SUMF1: variants seen among roughly 807,000 people sequenced by gnomAD.
The protein encoded by SUMF1 is formylglycine-generating enzyme.
SUMF1 carries 48 observed loss-of-function variants against 47.6 expected under a neutral mutation model. The observed-to-expected ratio is 1.01, with a 90% CI of 0.80 to 1.28. The LOEUF (loss-of-function observed/expected upper bound fraction) is 1.28, where lower values mean the gene tolerates loss of function less well. Ranked by LOEUF, SUMF1 falls within the 50% of genes most tolerant of loss-of-function variation. The pLI is 0.00. For missense variants in SUMF1, 571 were observed against 485.4 expected (o/e 1.18, Z -1.66); for synonymous variants, 230 against 192.1 (o/e 1.20, Z -1.63).
rs144622381 is a variant in SUMF1, at chr3:4,227,470, T to C, written c.1014+148860A>G. On this transcript the variant is annotated intron_variant and NMD_transcript_variant, in intron 8 of 12. Transcript: ENST00000448413. ...TGTAGTGGAGATCCATCGGCTTTCA[T>C]CTATCCAGTAGCCATTCTTCCCTGT... 7.1e-3 allele frequency among the ~76,000 whole-genome samples: 1,081 copies of C among 152,156 alleles called. 15 individuals carry two copies. The highest frequency in any genetic ancestry group is 0.025 in the African/African-American group (1,028 of 41,524).
intron 3 of SUMF1, among the ~76,000 whole-genome samples, chr3:4,443,453 G>A (rs1702673968): frequency 6.6e-6 from 1 of 151,616 alleles, no homozygotes; most frequent in Non-Finnish European, 1.5e-5. Context: ...GAAGACAAAA[G>A]AGAAGAAAAA....
chr3:4,418,079 G>C lies in SUMF1; in HGVS notation c.656C>G (p.Thr219Ser), dbSNP rs1701774230. ...CGTGGGCAGCCGCTTCCCTGCCCAA[G>C]TGCAGTAGGCAACCGCATCATTCCA... The part of the protein sequence containing the change: ...VSWNDAVAYC[T>S]WAGKRLPTEA... The change falls in exon 5 of 9, where the codon ACT becomes AGT. Residue 219 changes from threonine (T) to serine (S), a missense_variant. Coordinates refer to ENST00000272902, the MANE Select transcript of SUMF1 (RefSeq NM_182760.4). 1 of 1,613,974 alleles carries C rather than the reference G, an allele frequency of 6.2e-7. No homozygotes were observed. Among genetic ancestry groups the C allele is most frequent in the Admixed American group, 1.7e-5 (1 of 60,004 alleles).
chr3:4,170,751 A>G (rs1371925200), intron 8 of SUMF1, among the ~76,000 whole-genome samples: 1 of 152,226 alleles, frequency 6.6e-6, no homozygotes, highest in African/African-American at 2.4e-5. Flanking sequence ...TTTTCAACAA[A>G]TGATGATGGA....
At chr3:4,141,151 A>T (rs573779006) in intron 8 of SUMF1, among the ~76,000 whole-genome samples, 1 of 152,250 alleles carries the variant, frequency 6.6e-6, no homozygotes, top group African/African-American at 2.4e-5. Context: ...GGTTCACTGT[A>T]TTTTCTGCCA....
chr3:4,418,025 C>T lies in SUMF1; in HGVS notation c.710G>A (p.Gly237Glu). The T allele has an allele frequency of 1.9e-6, 3 of 1,613,988 alleles. No individual in the cohort carries two copies. The highest frequency in any genetic ancestry group is 2.5e-6 in the Non-Finnish European group (3 of 1,180,044). ...TEAEWEYSCRGGLHNRLFPWG... is the reference protein window; with the variant it reads ...TEAEWEYSCREGLHNRLFPWG... ...CTCTAAATACCTATTATGCAGGCCT[C>T]CTCGACAGCTGTATTCCCACTCAGC... The change falls in exon 5 of 9, where the codon GGA becomes GAA. Residue 237 changes from glycine (G) to glutamate (E), a missense_variant. By Grantham distance (98) the Gly-to-Glu change is moderately conservative. Coordinates refer to ENST00000272902, the MANE Select transcript of SUMF1 (RefSeq NM_182760.4).
At chr3:4,136,919 G>A (rs1395617845) in intron 8 of SUMF1, among the ~76,000 whole-genome samples, 1 of 152,056 alleles carries the variant, frequency 6.6e-6, no homozygotes, top group Non-Finnish European at 1.5e-5. Flanking sequence ...AAACCACAAT[G>A]AGATACTATC....
intron 8 of SUMF1, among the ~76,000 whole-genome samples, chr3:4,248,679 T>C (rs142311613): frequency 3.3e-4 from 51 of 152,296 alleles, no homozygotes; most frequent in African/African-American, 1.1e-3. Flanking sequence ...AAAAGGGACT[T>C]TTTTCCTGCT....
intron 8 of SUMF1, among the ~76,000 whole-genome samples, chr3:4,364,214 G>T (rs1699870510): frequency 7.6e-6 from 1 of 130,902 alleles, no homozygotes; most frequent in South Asian, 2.6e-4. Context: ...GCCCGGCTTT[G>T]GTATCAGGAT....
intron 8 of SUMF1, among the ~76,000 whole-genome samples, chr3:4,279,807 C>G (rs745311985): frequency 6.6e-6 from 1 of 152,084 alleles, no homozygotes; most frequent in Non-Finnish European, 1.5e-5. Flanking sequence ...GAACCCATTT[C>G]CTAAAATTAT....
At chr3:4,389,764 A>G (rs1700795265) in intron 7 of SUMF1, among the ~76,000 whole-genome samples, 1 of 151,890 alleles carries the variant, frequency 6.6e-6, no homozygotes, top group Non-Finnish European at 1.5e-5. Flanking sequence ...CCATACACTG[A>G]GCTTTTTAGT....
intron 9 of SUMF1, among the ~76,000 whole-genome samples, chr3:4,035,618 C>T (rs1289623781): frequency 6.6e-6 from 1 of 152,158 alleles, no homozygotes; most frequent in Non-Finnish European, 1.5e-5. Context: ...ACTCAACCTT[C>T]TATAGGCTTC....
At chr3:4,301,653 AG>A (rs1218135835) in intron 8 of SUMF1, among the ~76,000 whole-genome samples, 1 of 152,232 alleles carries the variant, frequency 6.6e-6, no homozygotes, top group Non-Finnish European at 1.5e-5. Context: ...AGTGAAGTGA[AG>A]GAATACAGAG....
At chr3:4,178,782 T>G (rs937426584) in intron 8 of SUMF1, among the ~76,000 whole-genome samples, 2 of 152,204 alleles carry the variant, frequency 1.3e-5, no homozygotes, top group South Asian at 4.2e-4. Flanking sequence ...AATTGTATAT[T>G]TAGAAAACCC....
chr3:4,178,040 G>A (rs994740661), intron 8 of SUMF1, among the ~76,000 whole-genome samples: 1 of 151,934 alleles, frequency 6.6e-6, no homozygotes, highest in African/African-American at 2.4e-5. Flanking sequence ...GAAATTGAGG[G>A]AATAGTTAAG....
At chr3:4,149,021 T>G (rs1013171616) in intron 8 of SUMF1, among the ~76,000 whole-genome samples, 2 of 152,120 alleles carry the variant, frequency 1.3e-5, no homozygotes, top group Non-Finnish European at 2.9e-5. Flanking sequence ...GAGAGAGACC[T>G]GAAGTTAGAG....
chr3:4,106,951 C>G (rs981247103), intron 8 of SUMF1, among the ~76,000 whole-genome samples: 1 of 151,968 alleles, frequency 6.6e-6, no homozygotes, highest in Non-Finnish European at 1.5e-5. Flanking sequence ...AAAGGCAAAA[C>G]ATAAAAGAGA....
chr3:4,448,456 C>G (rs1702859228), intron 3 of SUMF1, among the ~76,000 whole-genome samples: 1 of 152,024 alleles, frequency 6.6e-6, no homozygotes, highest in South Asian at 2.1e-4. Context: ...GTGGGCAGAC[C>G]CCCGTTTCCT....
intron 8 of SUMF1, among the ~76,000 whole-genome samples, chr3:4,292,823 A>G (rs1225369080): frequency 6.6e-6 from 1 of 152,144 alleles, no homozygotes; most frequent in African/African-American, 2.4e-5. Context: ...GGAAAACTTT[A>G]CCTAATTTGC....
chr3:4,107,236 C>G lies in SUMF1; in HGVS notation c.1015-38491G>C, dbSNP rs1481149815. ...CTAAGATTTGCCAAATTTTCTTTCTCTGATGCCCATACTGAATAAATGGGA... is the reference window on the plus strand; with the variant it reads ...CTAAGATTTGCCAAATTTTCTTTCTGTGATGCCCATACTGAATAAATGGGA... On this transcript the variant is annotated intron_variant and NMD_transcript_variant, in intron 8 of 12. Transcript: ENST00000448413. 1.3e-5 allele frequency among the ~76,000 whole-genome samples: 2 copies of G among 152,144 alleles called. 1 individual carries two copies. Among genetic ancestry groups the G allele is most frequent in the Non-Finnish European group, 2.9e-5 (2 of 68,034 alleles).
Sources: gnomAD v4.1 joint callset for allele counts (sites outside exome capture counted in the v4.1 genomes callset) on GRCh38, gnomAD v4.1.1 for gene constraint, MANE v1.5 for transcripts, NCBI Gene and HGNC (gene_info 2026-07-23, HGNC 2026-07-21) for gene names.